The following TMEM170A variants were observed in gnomAD, a reference collection of about 807,000 sequenced individuals.
TMEM170A encodes the protein transmembrane protein 170.
In TMEM170A, 18 loss-of-function variants were observed where a neutral mutation model predicts 12.8. The observed-to-expected ratio is 1.41, with a 90% CI of 0.97 to 2.09. The LOEUF (loss-of-function observed/expected upper bound fraction) is 2.09, where lower values mean the gene tolerates loss of function less well. TMEM170A is among the 30% of genes most tolerant of loss of function. The probability of loss-of-function intolerance (pLI) is 0.00; values close to 1 mark genes in which losing one functional copy is unlikely to be tolerated. For missense variants in TMEM170A, 220 were observed against 179.9 expected (o/e 1.22, Z -1.28); for synonymous variants, 107 against 76.2 (o/e 1.40, Z -2.11).
Position 75,443,126 on chromosome 16 carries a change from TAAAA to T in TMEM170A, c.*4428_*4431del, listed in dbSNP as rs35901109. 6.6e-6 allele frequency: 1 copy of T among 151,964 alleles called. No homozygotes were observed. The highest frequency in any genetic ancestry group is 2.1e-4 in the South Asian group (1 of 4,824). 9.4% of individuals were successfully genotyped at this position (151,964 alleles called of 1,614,324 possible). ...TCATAAATTAGTAAGAAGTAGAACA[TAAAA>T]AAAGTTACACATGCTAGATATTAAG... On this transcript the variant is annotated 3_prime_UTR_variant, in exon 3 of 3. Coordinates refer to ENST00000561878, the MANE Select transcript of TMEM170A (RefSeq NM_145254.3).
chr16:75,454,653 T>C (rs2151637891), intron 1 of TMEM170A, among the ~76,000 whole-genome samples: 1 of 151,908 alleles, frequency 6.6e-6, no homozygotes, highest in African/African-American at 2.4e-5. Flanking sequence ...AAAAGAGCAA[T>C]GACAGTTAAA....
chr16:75,457,173 A>G (rs2079814181), intron 1 of TMEM170A, among the ~76,000 whole-genome samples: 1 of 152,074 alleles, frequency 6.6e-6, no homozygotes, highest in Non-Finnish European at 1.5e-5. Flanking sequence ...AGTTTTAGAG[A>G]GAAGCTCTGC....
Position 75,464,538 on chromosome 16 carries a change from G to A in TMEM170A, c.63C>T (p.Ser21=). ...TGCCCACCCGCGGCACAACCTTCAG[G>A]CTCAGGATCTGCTGCAGGAGCCCGG... ...GSAGLLQQIL[S]LKVVPRVGNG... Residue 21 remains serine, a synonymous_variant, in exon 1 of 3, where the codon AGC becomes AGT. Transcript: ENST00000561878. 6.3e-7 allele frequency: 1 copy of A among 1,589,234 alleles called. No individual in the cohort carries two copies. The highest frequency in any genetic ancestry group is 8.5e-7 in the Non-Finnish European group (1 of 1,170,270).
rs1304391738 is a variant in TMEM170A, at chr16:75,444,971, CTGG to C, written c.*2584_*2586del. 1 of 152,172 alleles carries C rather than the reference CTGG, an allele frequency of 6.6e-6. No individual in the cohort carries two copies. The highest frequency in any genetic ancestry group is 1.9e-4 in the East Asian group (1 of 5,198). 9.4% of individuals were successfully genotyped at this position (152,172 alleles called of 1,614,324 possible). A position where few individuals can be genotyped will look rare whatever the true frequency, so the allele number is the denominator to read the frequency against. On this transcript the variant is annotated 3_prime_UTR_variant, in exon 3 of 3. Transcript: ENST00000561878. Reference sequence around the variant, plus strand: ...TTTAAGAGGAGGGGCCCACTAACTACTGGTCTATATGTTTAGTGTATGAAATTA... The same window carrying C: ...TTTAAGAGGAGGGGCCCACTAACTACTCTATATGTTTAGTGTATGAAATTA...
intron 1 of TMEM170A, among the ~76,000 whole-genome samples, chr16:75,457,514 C>T (rs1010681836): frequency 6.6e-6 from 1 of 152,166 alleles, no homozygotes; most frequent in Non-Finnish European, 1.5e-5. Context: ...TTCACCAGAA[C>T]CCAACCATCC....
chr16:75,451,905 A>G lies in TMEM170A; in HGVS notation c.134-66T>C, dbSNP rs576957655. On this transcript the variant is annotated intron_variant, in intron 1 of 2. Coordinates refer to ENST00000561878, the MANE Select transcript of TMEM170A (RefSeq NM_145254.3). Reference sequence around the variant, plus strand: ...TCCCAGGACAATCATTGCAGAGGGTACTCATCATACCCGTCATTTCATTTT... The same window carrying G: ...TCCCAGGACAATCATTGCAGAGGGTGCTCATCATACCCGTCATTTCATTTT... The G allele has an allele frequency of 1.1e-5, 15 of 1,374,824 alleles. No individual in the cohort carries two copies. In the African/African-American group the frequency reaches 1.9e-4, roughly 17 times the overall value. 85.2% of individuals were successfully genotyped at this position (1,374,824 alleles called of 1,614,324 possible).
intron 1 of TMEM170A, 66 bp downstream of exon 1, chr16:75,464,402 G>A (rs964173199): frequency 1.5e-5 from 21 of 1,384,874 alleles, no homozygotes; most frequent in Non-Finnish European, 1.7e-5. Flanking sequence ...CCCAGACTCG[G>A]GGCGCCCACA....
At chr16:75,461,246 G>A (rs1213240619) in intron 1 of TMEM170A, among the ~76,000 whole-genome samples, 1 of 149,014 alleles carries the variant, frequency 6.7e-6, no homozygotes, top group African/African-American at 2.6e-5. Context: ...TAGAGATGGG[G>A]TGTCACCACG....
At chr16:75,452,447 T>A (rs940747720) in intron 1 of TMEM170A, among the ~76,000 whole-genome samples, 11 of 152,152 alleles carry the variant, frequency 7.2e-5, no homozygotes, top group Admixed American at 6.6e-4. Context: ...TCTTTTTTTT[T>A]TAATTTTCTT....
chr16:75,451,837 T>C lies in TMEM170A; in HGVS notation c.136A>G (p.Met46Val). 1 of 1,609,292 alleles carries C rather than the reference T, an allele frequency of 6.2e-7. No homozygotes were observed. Among genetic ancestry groups the C allele is most frequent in the Non-Finnish European group, 8.5e-7 (1 of 1,177,496 alleles). ...GCCCACAGGAATACACCATACCACATCTCTATGAGGGAAGACAAAGAAAAG... is the reference window on the plus strand; with the variant it reads ...GCCCACAGGAATACACCATACCACACCTCTATGAGGGAAGACAAAGAAAAG... Reference protein sequence around the residue: ...NSTSLCSFPEMWYGVFLWALV... With the variant: ...NSTSLCSFPEVWYGVFLWALV... The change falls in exon 2 of 3, where the codon ATG becomes GTG. Residue 46 changes from methionine to valine, a missense_variant and splice_region_variant. Transcript: ENST00000561878.
At chr16:75,458,249 T>C (rs1342811759) in intron 1 of TMEM170A, 2 of 152,214 alleles carry the variant, frequency 1.3e-5, no homozygotes, top group Admixed American at 1.3e-4. Context: ...AGGTAATTAA[T>C]CTGTAATACA....
At chr16:75,461,958 C>A (rs1253873250) in intron 1 of TMEM170A, among the ~76,000 whole-genome samples, 1 of 152,196 alleles carries the variant, frequency 6.6e-6, no homozygotes, top group Non-Finnish European at 1.5e-5. Flanking sequence ...TTATCTCAAT[C>A]TTTTCTTAAT....
At chr16:75,464,078 T>A (rs917683990) in intron 1 of TMEM170A, among the ~76,000 whole-genome samples, 1 of 152,060 alleles carries the variant, frequency 6.6e-6, no homozygotes, top group African/African-American at 2.4e-5. Flanking sequence ...CCGAGACCCC[T>A]CGAAGGAGGC....
At chr16:75,451,867 G>T (rs780803501) in intron 1 of TMEM170A, 28 bp from the exon 2 acceptor site, 1 of 1,580,658 alleles carries the variant, frequency 6.3e-7, no homozygotes, top group East Asian at 2.3e-5. Context: ...GAAAAGTTGT[G>T]AATCACTGCC....
At chr16:75,463,352 G>A (rs188125809) in intron 1 of TMEM170A, among the ~76,000 whole-genome samples, 5,577 of 152,042 alleles carry the variant, frequency 0.037, 155 homozygotes, top group Non-Finnish European at 0.055. Context: ...TGAGCTGCCA[G>A]ATTCTCATTT....
chr16:75,463,403 C>G (rs1458382520), intron 1 of TMEM170A, among the ~76,000 whole-genome samples: 1 of 152,142 alleles, frequency 6.6e-6, no homozygotes, highest in African/African-American at 2.4e-5. Context: ...TGACCCCAAC[C>G]TGCCTGATGA....
intron 1 of TMEM170A, among the ~76,000 whole-genome samples, chr16:75,456,409 G>A (rs893185023): frequency 3.2e-4 from 49 of 152,188 alleles, no homozygotes; most frequent in African/African-American, 1.1e-3. Context: ...CCAACACGGC[G>A]AAACCGTCTC....
chr16:75,451,634 A>T (rs1290723580), intron 2 of TMEM170A, 35 bp downstream of exon 2: 1 of 1,610,124 alleles, frequency 6.2e-7, no homozygotes, highest in South Asian at 1.1e-5. Flanking sequence ...AGTCATATTA[A>T]ACATTTTTGA....
intron 1 of TMEM170A, chr16:75,458,285 G>C (rs1401454693): frequency 2.6e-5 from 4 of 152,242 alleles, no homozygotes. Context: ...ATGAGATTAA[G>C]CATTGTGGTA....
Sources: gnomAD v4.1 joint callset for allele counts (sites outside exome capture counted in the v4.1 genomes callset) on GRCh38, gnomAD v4.1.1 for gene constraint, MANE v1.5 for transcripts, NCBI Gene and HGNC (gene_info 2026-07-23, HGNC 2026-07-21) for gene names.